WDR37: variants seen among roughly 807,000 people sequenced by gnomAD.
WDR37 encodes the protein WD repeat domain 37.
WDR37 carries 19 observed loss-of-function variants against 62.9 expected under a neutral mutation model. The observed-to-expected ratio is 0.30, with a 90% confidence interval of 0.21 to 0.44. WDR37 has a LOEUF of 0.44. Ranked by LOEUF, WDR37 falls within the 20% of genes least tolerant of loss-of-function variation. The pLI, the probability that WDR37 is intolerant of heterozygous loss-of-function variation, is 1.00. For synonymous variants in WDR37, 250 were observed against 260.9 expected (o/e 0.96, Z 0.40); for missense variants, 474 against 657.6 (o/e 0.72, Z 3.05).
At chr10:1,113,355 G>A (rs1356883694) in intron 11 of WDR37, among the ~76,000 whole-genome samples, 3 of 152,132 alleles carry the variant, frequency 2.0e-5, no homozygotes, top group Non-Finnish European at 4.4e-5. Flanking sequence ...GGGCTCTGAC[G>A]GAGATGTACA....
At chr10:1,064,368 TG>T (rs1688047765) in intron 1 of WDR37, among the ~76,000 whole-genome samples, 1 of 150,774 alleles carries the variant, frequency 6.6e-6, no homozygotes, top group Admixed American at 6.6e-5. Flanking sequence ...AAGGACGGGG[TG>T]GGGGGAAAAC....
Position 1,096,151 on chromosome 10 carries a change from C to A in WDR37, c.650-19C>A, listed in dbSNP as rs376121287. ...CATGGTCTGTGCCTTGGGTAATTTT[C>A]CCCGATTTCTCTCTTCAGCTTCTGG... On this transcript the variant is annotated intron_variant, in intron 8 of 13. Coordinates refer to ENST00000263150, the MANE Select transcript of WDR37 (RefSeq NM_014023.4). 166 of 1,613,620 alleles carry A rather than the reference C, an allele frequency of 1.0e-4. No individual in the cohort carries two copies. Among genetic ancestry groups the A allele is most frequent in the Middle Eastern group, 3.3e-4 (2 of 6,074 alleles).
At chr10:1,098,015 T>C (rs763366510) in intron 9 of WDR37, among the ~76,000 whole-genome samples, 3 of 152,162 alleles carry the variant, frequency 2.0e-5, no homozygotes, top group African/African-American at 7.2e-5. Flanking sequence ...ATAAGACTTC[T>C]GGGGCTGTTG....
chr10:1,071,106 G>C (rs970258507), intron 1 of WDR37, among the ~76,000 whole-genome samples: 1 of 152,218 alleles, frequency 6.6e-6, no homozygotes, highest in Non-Finnish European at 1.5e-5. Context: ...TTAAAGGTTA[G>C]CGTATTTTTC....
At chr10:1,065,593 A>G (rs1387291265) in intron 1 of WDR37, among the ~76,000 whole-genome samples, 1 of 152,154 alleles carries the variant, frequency 6.6e-6, no homozygotes, top group Non-Finnish European at 1.5e-5. Context: ...TAGGTAAAAA[A>G]AAAAAGCTAC....
intron 1 of WDR37, among the ~76,000 whole-genome samples, chr10:1,069,969 G>T (rs1833678433): frequency 6.6e-6 from 1 of 152,108 alleles, no homozygotes; most frequent in Admixed American, 6.6e-5. Context: ...ACTTTGGGAG[G>T]CTGAGGTGGG....
At chr10:1,061,705 G>C (rs932604562) in intron 1 of WDR37, among the ~76,000 whole-genome samples, 4 of 152,136 alleles carry the variant, frequency 2.6e-5, no homozygotes, top group Non-Finnish European at 5.9e-5. Flanking sequence ...TGGGCATGGT[G>C]TTGGGTGCCT....
At chr10:1,066,377 A>G (rs552370543) in intron 1 of WDR37, among the ~76,000 whole-genome samples, 1 of 152,328 alleles carries the variant, frequency 6.6e-6, no homozygotes, top group African/African-American at 2.4e-5. Flanking sequence ...TGACCTCCCA[A>G]AGTGCTGGGA....
intron 9 of WDR37, among the ~76,000 whole-genome samples, chr10:1,101,938 G>C (rs1834820303): frequency 6.6e-6 from 1 of 152,206 alleles, no homozygotes; most frequent in African/African-American, 2.4e-5. Context: ...TCTCCATGTT[G>C]ATTTGTGTTC....
Position 1,072,191 on chromosome 10 carries a change from C to T in WDR37, c.36C>T (p.Arg12=). 1.9e-6 allele frequency: 3 copies of T among 1,614,092 alleles called. No homozygotes were observed. The highest frequency in any genetic ancestry group is 2.5e-6 in the Non-Finnish European group (3 of 1,180,012). The change falls in exon 2 of 14, where the codon CGC becomes CGT. Residue 12 remains arginine (R), a synonymous_variant. Coordinates refer to ENST00000263150, the MANE Select transcript of WDR37 (RefSeq NM_014023.4). ...PTESASCSTA[R]QTKQKRKSHS... is the part of the protein sequence containing the mutation. ...AAAGCGCAAGTTGTTCGACTGCTCG[C>T]CAAACAAAACAGAAGCGCAAATCCC...
At chr10:1,115,389 G>A (rs984888307) in intron 11 of WDR37, among the ~76,000 whole-genome samples, 2 of 152,216 alleles carry the variant, frequency 1.3e-5, no homozygotes, top group African/African-American at 4.8e-5. Context: ...TCACTTTGAA[G>A]TGATGACATG....
intron 13 of WDR37, among the ~76,000 whole-genome samples, chr10:1,125,926 G>A (rs915212838): frequency 8.5e-5 from 13 of 152,236 alleles, no homozygotes; most frequent in African/African-American, 2.9e-4. Flanking sequence ...CCTGGAAGGC[G>A]CAAAGAGAAT....
At chr10:1,114,905 C>T (rs1021945471) in intron 11 of WDR37, among the ~76,000 whole-genome samples, 18 of 152,214 alleles carry the variant, frequency 1.2e-4, no homozygotes, top group African/African-American at 3.6e-4. Flanking sequence ...GGTGAATAGA[C>T]GTGCCTGCAA....
intron 9 of WDR37, among the ~76,000 whole-genome samples, chr10:1,101,802 C>G (rs1834814892): frequency 6.6e-6 from 1 of 152,202 alleles, no homozygotes; most frequent in South Asian, 2.1e-4. Flanking sequence ...TCCTCACATC[C>G]GACTCACGTG....
At chr10:1,118,513 C>T (rs961741430) in intron 11 of WDR37, among the ~76,000 whole-genome samples, 5 of 150,852 alleles carry the variant, frequency 3.3e-5, no homozygotes, top group Admixed American at 2.0e-4. Flanking sequence ...CACCCTCAGC[C>T]AGCTCTGGTT....
In WDR37 at chr10:1,105,355, A is replaced by G; in HGVS notation, c.1103+88A>G. ...AAACTTAATTCTAGCCTTAATTTTC[A>G]GTATTTCCGACTCTACTATCTTTCA... On this transcript the variant is annotated intron_variant, in intron 11 of 13. Transcript: ENST00000263150. The surrounding 1 kb of genome is among the most constrained non-coding windows in gnomAD (Gnocchi z 5.3). The G allele has an allele frequency of 5.4e-6, 8 of 1,468,130 alleles. No homozygotes were observed. The highest frequency in any genetic ancestry group is 7.4e-6 in the Non-Finnish European group (8 of 1,081,150). The allele number at this position is 1,468,130 out of a possible 1,614,324, so 90.9% of individuals were successfully genotyped here. A position where few individuals can be genotyped will look rare whatever the true frequency, so the allele number is the denominator to read the frequency against.
chr10:1,066,911 C>A (rs1187744151), intron 1 of WDR37, among the ~76,000 whole-genome samples: 1 of 152,134 alleles, frequency 6.6e-6, no homozygotes, highest in African/African-American at 2.4e-5. Flanking sequence ...CAGGAAAACT[C>A]CCCCTTATAG....
intron 11 of WDR37, among the ~76,000 whole-genome samples, chr10:1,108,738 T>TGGGGGGGGGGG: frequency 1.7e-5 from 1 of 59,788 alleles, no homozygotes; most frequent in African/African-American, 5.5e-5. Flanking sequence ...GCTTCTGTGA[T>TGGGGGGGGGGG]GCCCCCCCCC....
At chr10:1,085,398 C>T (rs1168653915) in intron 6 of WDR37, among the ~76,000 whole-genome samples, 5 of 152,208 alleles carry the variant, frequency 3.3e-5, no homozygotes, top group Non-Finnish European at 7.3e-5. Flanking sequence ...TACCTGGGCA[C>T]GTAGCCAGCA....
Sources: gnomAD v4.1 joint callset for allele counts (sites outside exome capture counted in the v4.1 genomes callset) on GRCh38, gnomAD v4.1.1 for gene constraint, Gnocchi (gnomAD v3.1) non-coding constraint, MANE v1.5 for transcripts, NCBI Gene and HGNC (gene_info 2026-07-23, HGNC 2026-07-21) for gene names.